Variants in PDE4D observed in about 807,000 individuals in gnomAD.
The protein encoded by PDE4D is phosphodiesterase 4D.
A neutral mutation model predicts 87.4 loss-of-function variants in PDE4D; 24 were observed. The ratio of observed to expected loss-of-function variants is 0.27; its 90% CI spans 0.20 to 0.39. The LOEUF is 0.39. PDE4D is among the 10% of genes least tolerant of loss of function. The pLI is 1.00. For missense variants in PDE4D, 714 were observed against 1,041.0 expected (o/e 0.69, Z 4.32); for synonymous variants, 384 against 383.2 (o/e 1.00, Z -0.02).
chr5:59,714,255 T>C (rs1433590019), intron 1 of PDE4D, among the ~76,000 whole-genome samples: 2 of 152,296 alleles, frequency 1.3e-5, no homozygotes, highest in East Asian at 3.9e-4. Context: ...TTTGTGGAGA[T>C]AACTGTCTCA....
chr5:60,131,915 C>A (rs4700365), intron 2 of PDE4D, among the ~76,000 whole-genome samples: 77,871 of 151,982 alleles, frequency 0.51, 20,390 homozygotes, highest in Admixed American at 0.56. Flanking sequence ...AGGGCTTCTT[C>A]TTGGGTGTAG....
intron 5 of PDE4D, among the ~76,000 whole-genome samples, chr5:59,088,810 G>A (rs568862475): frequency 1.3e-5 from 2 of 152,278 alleles, no homozygotes; most frequent in South Asian, 2.1e-4. Flanking sequence ...GGAGGAGTGA[G>A]AGGATCAGGA....
intron 1 of PDE4D, among the ~76,000 whole-genome samples, chr5:59,227,768 GA>G (rs1485303674): frequency 6.6e-6 from 1 of 152,172 alleles, no homozygotes; most frequent in Non-Finnish European, 1.5e-5. Context: ...AGGTTGCAGA[GA>G]AAAGGAAACG....
intron 2 of PDE4D, among the ~76,000 whole-genome samples, chr5:60,006,715 C>T (rs558720381): frequency 6.6e-6 from 1 of 152,092 alleles, no homozygotes; most frequent in African/African-American, 2.4e-5. Flanking sequence ...GTGCTGTAAA[C>T]ATGATGATGC....
intron 1 of PDE4D, among the ~76,000 whole-genome samples, chr5:60,227,623 G>A (rs1212017600): frequency 7.1e-6 from 1 of 140,964 alleles, no homozygotes; most frequent in East Asian, 2.1e-4. Flanking sequence ...GGAAAGGGAA[G>A]GAGGGAGGGA....
rs1378154943 is a variant in PDE4D, at chr5:59,222,536, C to G, written c.456-6568G>C. Reference sequence around the variant, plus strand: ...CCTCTATCAATAGCAGCCTCCATTACCGAAGCATCTATGAAGGCCACTCAC... The same window carrying G: ...CCTCTATCAATAGCAGCCTCCATTAGCGAAGCATCTATGAAGGCCACTCAC... On this transcript the variant is annotated intron_variant, in intron 1 of 14. Coordinates refer to ENST00000340635, the MANE Select transcript of PDE4D (RefSeq NM_001104631.2). 3.9e-5 allele frequency among the ~76,000 whole-genome samples: 6 copies of G among 152,142 alleles called. No homozygotes were observed. In the East Asian group the frequency reaches 1.2e-3, roughly 29 times the overall value.
At chr5:60,367,451 C>CAAAA (rs34724141) in intron 1 of PDE4D, among the ~76,000 whole-genome samples, 1 of 131,808 alleles carries the variant, frequency 7.6e-6, no homozygotes, top group Non-Finnish European at 1.7e-5. Flanking sequence ...AACTCCATAT[C>CAAAA]AAAAAAAAAA....
At chr5:59,534,190 G>T (rs1814724967) in intron 1 of PDE4D, among the ~76,000 whole-genome samples, 1 of 152,072 alleles carries the variant, frequency 6.6e-6, no homozygotes, top group Non-Finnish European at 1.5e-5. Context: ...TCCAGAGATT[G>T]ATTTTCTTGC....
chr5:59,509,763 G>A (rs981849442), intron 1 of PDE4D, among the ~76,000 whole-genome samples: 8 of 149,580 alleles, frequency 5.3e-5, no homozygotes, highest in Non-Finnish European at 1.2e-4. Context: ...GACGTGAAAA[G>A]AAAACAAACA....
At chr5:59,144,029 T>C (rs540169200) in intron 5 of PDE4D, among the ~76,000 whole-genome samples, 9 of 152,364 alleles carry the variant, frequency 5.9e-5, no homozygotes, top group Admixed American at 2.6e-4. Flanking sequence ...AATCCAATTA[T>C]AGCTGCTAGT....
At chr5:59,997,094 T>G (rs1296505531) in intron 2 of PDE4D, among the ~76,000 whole-genome samples, 1 of 152,184 alleles carries the variant, frequency 6.6e-6, no homozygotes, top group African/African-American at 2.4e-5. Context: ...TAGGATTCAA[T>G]TAACCTTTTG....
At chr5:60,443,226 T>C (rs1583787439) in intron 1 of PDE4D, among the ~76,000 whole-genome samples, 1 of 152,244 alleles carries the variant, frequency 6.6e-6, no homozygotes, top group Non-Finnish European at 1.5e-5. Context: ...GTAATAAAGA[T>C]TTCCAGACCT....
chr5:59,537,811 G>A (rs1815545697), intron 1 of PDE4D, among the ~76,000 whole-genome samples: 1 of 152,144 alleles, frequency 6.6e-6, no homozygotes, highest in African/African-American at 2.4e-5. Flanking sequence ...ACATTAAGGA[G>A]AGCTGTGTTG....
intron 1 of PDE4D, among the ~76,000 whole-genome samples, chr5:60,366,031 A>G (rs58594585): frequency 0.088 from 13,113 of 149,692 alleles, 1,038 homozygotes; most frequent in African/African-American, 0.21. Context: ...GTGACAGAGT[A>G]AGACTCTGTC....
chr5:59,283,988 C>T (rs1214556798), intron 1 of PDE4D, among the ~76,000 whole-genome samples: 1 of 152,112 alleles, frequency 6.6e-6, no homozygotes, highest in Non-Finnish European at 1.5e-5. Flanking sequence ...GGACAATATG[C>T]ACACCTAGAA....
chr5:60,051,163 C>A lies in PDE4D; in HGVS notation c.43-62446G>T, dbSNP rs374387444. Among the ~76,000 whole-genome samples, 84 of 152,184 alleles carry A rather than the reference C, an allele frequency of 5.5e-4. 3 individuals are homozygous for A. The highest frequency in any genetic ancestry group is 1.9e-3 in the African/African-American group (79 of 41,520). Reference sequence around the variant, plus strand: ...AGAAAATTAACAAGGATATTCAGGACTTGATCTCAGCTCTGGACCAAGCAG... The same window carrying A: ...AGAAAATTAACAAGGATATTCAGGAATTGATCTCAGCTCTGGACCAAGCAG... On this transcript the variant is annotated intron_variant, in intron 2 of 16. Transcript: ENST00000502484.
At chr5:59,970,538 G>C (rs559284728) in intron 3 of PDE4D, among the ~76,000 whole-genome samples, 2 of 152,280 alleles carry the variant, frequency 1.3e-5, no homozygotes, top group African/African-American at 4.8e-5. Flanking sequence ...CCATCAAAAA[G>C]TGGTGAAGGA....
At chr5:59,394,369 C>A (rs921950017) in intron 1 of PDE4D, among the ~76,000 whole-genome samples, 3 of 152,194 alleles carry the variant, frequency 2.0e-5, no homozygotes, top group Admixed American at 6.5e-5. Flanking sequence ...AAGGCATATT[C>A]TCTTCACTCA....
chr5:59,883,996 G>C (rs1167269934), intron 1 of PDE4D, among the ~76,000 whole-genome samples: 1 of 151,868 alleles, frequency 6.6e-6, no homozygotes, highest in African/African-American at 2.4e-5. Context: ...TGAAAATATT[G>C]TTTTACAAAA....
Sources: gnomAD v4.1 joint callset for allele counts (sites outside exome capture counted in the v4.1 genomes callset) on GRCh38, gnomAD v4.1.1 for gene constraint, MANE v1.5 for transcripts, NCBI Gene and HGNC (gene_info 2026-07-23, HGNC 2026-07-21) for gene names.